Variants in PAK2 observed in about 807,000 individuals in gnomAD.
PAK2 encodes serine/threonine-protein kinase PAK 2.
Under a neutral mutation model 65.9 loss-of-function variants are expected in PAK2, and 21 were observed. The observed-to-expected ratio is 0.32, with a 90% CI of 0.23 to 0.46. PAK2 has a LOEUF of 0.46. Among genes scored for constraint, PAK2 ranks in the 20% least tolerant of loss-of-function variants. The probability of loss-of-function intolerance (pLI) is 1.00; values close to 1 mark genes in which losing one functional copy is unlikely to be tolerated. For missense variants in PAK2, 324 were observed against 642.6 expected, an observed-to-expected ratio of 0.50 and a Z score of 5.36; for synonymous variants, 204 against 219.7, an observed-to-expected ratio of 0.93 and a Z score of 0.63.
chr3:196,789,791 CG>C (rs557686170), intron 2 of PAK2, among the ~76,000 whole-genome samples: 21 of 152,024 alleles, frequency 1.4e-4, no homozygotes, highest in African/African-American at 4.8e-4. Context: ...GTGGGGCTGA[CG>C]GGGGGGTGGT....
intron 1 of PAK2, among the ~76,000 whole-genome samples, chr3:196,761,386 T>G (rs1713957633): frequency 1.3e-5 from 1 of 78,648 alleles, no homozygotes; most frequent in African/African-American, 5.1e-5. Flanking sequence ...TTCAAGCATC[T>G]GTTTAACAAA....
chr3:196,761,039 AC>A (rs1182641030), intron 1 of PAK2, among the ~76,000 whole-genome samples: 1 of 151,814 alleles, frequency 6.6e-6, no homozygotes, highest in Non-Finnish European at 1.5e-5. Context: ...GACCAGCCTG[AC>A]CAACATGGAG....
Position 196,812,965 on chromosome 3 carries a change from T to C in PAK2, c.935+114T>C, listed in dbSNP as rs1715876705. Reference sequence around the variant, plus strand: ...AAACTGTCAGTGCCGAGAAATAAGATGGAAGAAAGAAGAGGAGAGGTAAAA... The same window carrying C: ...AAACTGTCAGTGCCGAGAAATAAGACGGAAGAAAGAAGAGGAGAGGTAAAA... On this transcript the variant is annotated intron_variant, in intron 10 of 14. Coordinates refer to ENST00000327134, the MANE Select transcript of PAK2 (RefSeq NM_002577.4). The C allele has an allele frequency of 1.0e-5, 6 of 602,084 alleles. No homozygotes were observed. In the East Asian group the frequency reaches 1.7e-4, roughly 17 times the overall value. The allele number at this position is 602,084 out of a possible 1,614,324, so 37.3% of individuals were successfully genotyped here.
chr3:196,782,248 C>G (rs901832826), intron 1 of PAK2, among the ~76,000 whole-genome samples: 1 of 151,268 alleles, frequency 6.6e-6, no homozygotes, highest in African/African-American at 2.4e-5. Flanking sequence ...TGCACCTCCC[C>G]AAGATATCCT....
intron 5 of PAK2, 59 bp downstream of exon 5, chr3:196,805,442 A>G: frequency 1.2e-6 from 1 of 817,538 alleles, no homozygotes; most frequent in Non-Finnish European, 1.9e-6. Context: ...CCCAAGACAA[A>G]TCTCAGTTTT....
chr3:196,752,544 T>C (rs1354991938), intron 1 of PAK2, among the ~76,000 whole-genome samples: 2 of 152,220 alleles, frequency 1.3e-5, no homozygotes, highest in Non-Finnish European at 2.9e-5. Context: ...GTATTTTTTG[T>C]ATATTTCATG....
intron 2 of PAK2, 135 bp downstream of exon 2, chr3:196,782,968 A>G (rs1323128672): frequency 4.2e-6 from 2 of 475,956 alleles, no homozygotes; most frequent in East Asian, 6.6e-5. Flanking sequence ...GCACTATTAA[A>G]AAGACTAGTT....
intron 14 of PAK2, among the ~76,000 whole-genome samples, chr3:196,827,851 T>C (rs971475901): frequency 7.3e-5 from 11 of 150,832 alleles, no homozygotes; most frequent in African/African-American, 2.4e-4. Context: ...GTTTACAGTT[T>C]GTGCATCGTA....
Position 196,811,883 on chromosome 3 carries a change from G to A in PAK2, c.774-336G>A, listed in dbSNP as rs73074702. On this transcript the variant is annotated intron_variant, in intron 8 of 14. Coordinates refer to ENST00000327134, the MANE Select transcript of PAK2 (RefSeq NM_002577.4). The stretch of plus-strand genomic sequence containing the variant: ...CTTTGGGAGGAAGGAGACTGCTGTC[G>A]GAAAGGGCTTATGGGAATCTTCAAA... 6.0e-3 allele frequency among the ~76,000 whole-genome samples: 908 copies of A among 152,152 alleles called. 7 individuals carry two copies. Among genetic ancestry groups the A allele is most frequent in the African/African-American group, 0.017 (709 of 41,538 alleles).
chr3:196,751,461 A>G (rs1713576223), intron 1 of PAK2, among the ~76,000 whole-genome samples: 1 of 151,522 alleles, frequency 6.6e-6, no homozygotes, highest in Non-Finnish European at 1.5e-5. Context: ...CAGCCTGGCC[A>G]ACATGCTAAA....
intron 13 of PAK2, among the ~76,000 whole-genome samples, chr3:196,824,184 C>CTAAGAAA (rs769166773): frequency 2.0e-3 from 305 of 152,260 alleles, no homozygotes; most frequent in Non-Finnish European, 3.6e-3. Flanking sequence ...GAGGAAGAAA[C>CTAAGAAA]TAAGAAATAA....
At chr3:196,822,710 A>G (rs974302372) in intron 13 of PAK2, among the ~76,000 whole-genome samples, 1 of 152,136 alleles carries the variant, frequency 6.6e-6, no homozygotes, top group Non-Finnish European at 1.5e-5. Flanking sequence ...AAAAAATACA[A>G]TAAAAATAAA....
intron 1 of PAK2, among the ~76,000 whole-genome samples, chr3:196,765,511 C>T (rs989680874): frequency 6.6e-6 from 1 of 152,142 alleles, no homozygotes; most frequent in African/African-American, 2.4e-5. Flanking sequence ...TAAGAATTCT[C>T]TTTGTGCCAT....
At chr3:196,789,682 C>G (rs1715005082) in intron 2 of PAK2, among the ~76,000 whole-genome samples, 1 of 152,098 alleles carries the variant, frequency 6.6e-6, no homozygotes, top group Non-Finnish European at 1.5e-5. Flanking sequence ...CCAGGCTGGT[C>G]TCGAACTCCT....
At chr3:196,780,283 A>T (rs529132317) in intron 1 of PAK2, among the ~76,000 whole-genome samples, 3 of 152,268 alleles carry the variant, frequency 2.0e-5, no homozygotes, top group Admixed American at 1.3e-4. Context: ...GTCTGTTTTC[A>T]TGCTGCTGAT....
At chr3:196,754,079 A>G (rs1242989059) in intron 1 of PAK2, among the ~76,000 whole-genome samples, 1 of 152,040 alleles carries the variant, frequency 6.6e-6, no homozygotes, top group African/African-American at 2.4e-5. Context: ...TATTTCTGCT[A>G]TTGCAATCTT....
Position 196,759,498 on chromosome 3 carries a change from G to GTTTTTTTTTTTTTTTTTTTTT in PAK2, c.-22+19360_-22+19380dup, listed in dbSNP as rs71301221. ...GGTATACAGTTAAGTGGTTTTTTTT[G>GTTTTTTTTTTTTTTTTTTTTT]TTTTTTTTTTTTTTTTTTTTTTTTT... On this transcript the variant is annotated intron_variant, in intron 1 of 14. Coordinates refer to ENST00000327134, the MANE Select transcript of PAK2 (RefSeq NM_002577.4). Among the ~76,000 whole-genome samples the GTTTTTTTTTTTTTTTTTTTTT allele has an allele frequency of 2.4e-4, 26 of 108,156 alleles. 4 individuals carry two copies. The highest frequency in any genetic ancestry group is 2.9e-4 in the African/African-American group (8 of 27,994). The allele number at this position is 108,156 out of a possible 152,430, so 71.0% of individuals were successfully genotyped here.
intron 2 of PAK2, among the ~76,000 whole-genome samples, chr3:196,799,291 A>G (rs561400263): frequency 6.6e-6 from 1 of 152,192 alleles, no homozygotes; most frequent in Non-Finnish European, 1.5e-5. Flanking sequence ...GCCATTTGCA[A>G]TAGTATCAAA....
At chr3:196,762,321 G>C (rs1315541160) in intron 1 of PAK2, among the ~76,000 whole-genome samples, 14 of 135,566 alleles carry the variant, frequency 1.0e-4, no homozygotes, top group African/African-American at 3.7e-4. Flanking sequence ...CTGCAATCTC[G>C]GCACTTTGGG....
Sources: allele counts gnomAD v4.1 joint callset (sites outside exome capture counted in the v4.1 genomes callset), GRCh38; gene constraint gnomAD v4.1.1; transcripts MANE v1.5; gene names NCBI Gene and HGNC (gene_info 2026-07-23, HGNC 2026-07-21).